The following EYS variants were observed in gnomAD, a reference collection of about 807,000 sequenced individuals.
EYS encodes the protein EGF-like photoreceptor maintenance factor.
Under a neutral mutation model 282.1 loss-of-function variants are expected in EYS, and 250 were observed. The ratio of observed to expected loss-of-function variants is 0.89; its 90% confidence interval spans 0.80 to 0.98. EYS has a LOEUF of 0.98. EYS is among the 50% of genes least tolerant of loss of function. The pLI, the probability that EYS is intolerant of heterozygous loss-of-function variation, is 0.00. For synonymous variants in EYS, 1,355 were observed against 1,282.9 expected (o/e 1.06, Z -1.20); for missense variants, 4,016 against 3,709.0 (o/e 1.08, Z -2.15).
rs1768930643 is a variant in EYS at position 64,659,953 on chromosome 6, A to G, written c.3444-33708T>C. Reference sequence around the variant, plus strand: ...AACCAAAAAAGAGAATTTCAGACCAATATCCCTGATGAATATCGAGGCAAA... The same window carrying G: ...AACCAAAAAAGAGAATTTCAGACCAGTATCCCTGATGAATATCGAGGCAAA... On this transcript the variant is annotated intron_variant, in intron 22 of 42. Transcript: ENST00000503581. 2.0e-5 allele frequency among the ~76,000 whole-genome samples: 3 copies of G among 152,202 alleles called. No homozygotes were observed. The South Asian group carries it at 6.2e-4, about 31-fold the overall frequency.
intron 22 of EYS, among the ~76,000 whole-genome samples, chr6:64,644,322 T>A (rs935264727): frequency 1.8e-4 from 27 of 151,356 alleles, no homozygotes; most frequent in African/African-American, 6.3e-4. Context: ...CAGAGTTAAT[T>A]TTTTTACTTG....
intron 2 of EYS, among the ~76,000 whole-genome samples, chr6:65,621,833 G>A (rs1015947495): frequency 6.6e-6 from 1 of 151,928 alleles, no homozygotes; most frequent in Admixed American, 6.6e-5. Context: ...CTCTTTTACT[G>A]AGTTCTAATA....
chr6:65,180,742 T>G (rs1192033653), intron 12 of EYS, among the ~76,000 whole-genome samples: 1 of 152,118 alleles, frequency 6.6e-6, no homozygotes, highest in African/African-American at 2.4e-5. Context: ...AGAGCCTGCA[T>G]TGCCAAGTCA....
At chr6:63,849,611 C>T (rs997212491) in intron 36 of EYS, among the ~76,000 whole-genome samples, 2 of 152,160 alleles carry the variant, frequency 1.3e-5, no homozygotes, top group Non-Finnish European at 2.9e-5. Context: ...AACTAACAAA[C>T]AGAAAGCAAG....
intron 30 of EYS, among the ~76,000 whole-genome samples, chr6:64,280,218 T>C (rs1768256877): frequency 6.6e-6 from 1 of 152,152 alleles, no homozygotes; most frequent in Non-Finnish European, 1.5e-5. Context: ...TAAAAATAAA[T>C]GTATTATCTA....
At chr6:65,284,453 A>G (rs1305250886) in intron 12 of EYS, among the ~76,000 whole-genome samples, 2 of 152,100 alleles carry the variant, frequency 1.3e-5, no homozygotes, top group Non-Finnish European at 1.5e-5. Flanking sequence ...AACTATTTTT[A>G]CCATGTATGC....
intron 24 of EYS, among the ~76,000 whole-genome samples, chr6:64,597,682 G>T (rs1239328639): frequency 7.2e-6 from 1 of 138,530 alleles, no homozygotes; most frequent in Non-Finnish European, 1.5e-5. Flanking sequence ...ATAGAGTGGA[G>T]AAAAATAAAA....
chr6:64,866,881 T>C (rs996247524), intron 19 of EYS, among the ~76,000 whole-genome samples: 7 of 151,746 alleles, frequency 4.6e-5, no homozygotes, highest in Non-Finnish European at 8.9e-5. Flanking sequence ...TAAATGGTTT[T>C]ACAATAAAAA....
chr6:64,789,044 A>G (rs1440007813), intron 22 of EYS, among the ~76,000 whole-genome samples: 1 of 152,174 alleles, frequency 6.6e-6, no homozygotes, highest in Non-Finnish European at 1.5e-5. Flanking sequence ...ACACTGGAAT[A>G]TATCTCCAGT....
intron 16 of EYS, among the ~76,000 whole-genome samples, chr6:64,906,694 T>C (rs1392539261): frequency 6.6e-6 from 1 of 152,214 alleles, no homozygotes; most frequent in Non-Finnish European, 1.5e-5. Flanking sequence ...GTGAGGCATC[T>C]TTGCCACATT....
At chr6:65,085,946 T>TAAATA (rs4032995) in intron 12 of EYS, among the ~76,000 whole-genome samples, 82,801 of 151,210 alleles carry the variant, frequency 0.55, 23,617 homozygotes, top group African/African-American at 0.69. Flanking sequence ...TTCCCAAAAT[T>TAAATA]AATCTCTCCC....
At chr6:65,590,867 T>TA (rs1214536229) in intron 2 of EYS, among the ~76,000 whole-genome samples, 1 of 152,014 alleles carries the variant, frequency 6.6e-6, no homozygotes. Context: ...TTTTTTTTTT[T>TA]ATCCATTCTT....
intron 12 of EYS, among the ~76,000 whole-genome samples, chr6:65,250,547 A>G (rs1767294268): frequency 6.6e-6 from 1 of 151,966 alleles, no homozygotes; most frequent in Non-Finnish European, 1.5e-5. Flanking sequence ...AATAAAGCTG[A>G]CTTCCAAGGT....
intron 12 of EYS, among the ~76,000 whole-genome samples, chr6:65,121,743 T>C (rs887113849): frequency 6.6e-6 from 1 of 152,172 alleles, no homozygotes; most frequent in African/African-American, 2.4e-5. Flanking sequence ...GTGATACGTG[T>C]ATAATAAATT....
rs182963469 is a variant in EYS at position 65,104,835 on chromosome 6, C to G, written c.2024-47108G>C. On this transcript the variant is annotated intron_variant, in intron 12 of 42. Transcript: ENST00000503581. ...CCTTTAAGAATTTCAGAATGATACA[C>G]TTTTATCATTGTAAATATGTGGATT... 2.0e-5 allele frequency among the ~76,000 whole-genome samples: 3 copies of G among 151,628 alleles called. No homozygotes were observed. The East Asian group carries it at 5.8e-4, about 29-fold the overall frequency.
chr6:64,187,203 C>T (rs766926144), intron 31 of EYS, among the ~76,000 whole-genome samples: 1 of 152,064 alleles, frequency 6.6e-6, no homozygotes, highest in Non-Finnish European at 1.5e-5. Context: ...TTTTATCTCC[C>T]TTCTTATCTT....
intron 10 of EYS, among the ~76,000 whole-genome samples, chr6:65,337,733 G>GA (rs1424733484): frequency 6.6e-6 from 1 of 150,592 alleles, no homozygotes; most frequent in Non-Finnish European, 1.5e-5. Flanking sequence ...ATTCTTTATG[G>GA]AAAAATGCCT....
At chr6:65,631,324 A>C (rs925991231) in intron 2 of EYS, among the ~76,000 whole-genome samples, 1 of 152,156 alleles carries the variant, frequency 6.6e-6, no homozygotes, top group Non-Finnish European at 1.5e-5. Flanking sequence ...GGAAGAATGC[A>C]TATCATTTCT....
intron 33 of EYS, among the ~76,000 whole-genome samples, chr6:64,020,082 A>G (rs1433657240): frequency 2.0e-5 from 3 of 152,072 alleles, no homozygotes; most frequent in Non-Finnish European, 4.4e-5. Context: ...AAACTCTAGT[A>G]TCTACATTTA....
Sources: allele counts gnomAD v4.1 joint callset (sites outside exome capture counted in the v4.1 genomes callset), GRCh38; gene constraint gnomAD v4.1.1; transcripts MANE v1.5; gene names NCBI Gene and HGNC (gene_info 2026-07-23, HGNC 2026-07-21).